ESR1: variants seen among roughly 807,000 people sequenced by gnomAD.
ESR1 encodes the protein estrogen receptor 1.
In ESR1, 12 loss-of-function variants were observed where a neutral mutation model predicts 52.7. The ratio of observed to expected loss-of-function variants is 0.23; its 90% CI spans 0.15 to 0.37. ESR1 has a LOEUF of 0.37. ESR1 is among the 10% of genes least tolerant of loss of function. ESR1 has a pLI of 1.00. For missense variants in ESR1, 584 were observed against 779.7 expected (o/e 0.75, Z 2.99); for synonymous variants, 305 against 316.8 (o/e 0.96, Z 0.39).
rs575283978 is a variant in ESR1 at position 151,855,621 on chromosome 6, G to T, written c.643+12834G>T. Among the ~76,000 whole-genome samples the T allele has an allele frequency of 1.9e-3, 285 of 152,278 alleles. 1 individual carries two copies. The highest frequency in any genetic ancestry group is 6.3e-3 in the African/African-American group (262 of 41,562). On this transcript the variant is annotated intron_variant, in intron 2 of 7. Transcript: ENST00000206249. ...GAAATGCAAAGATATATCATCCATA[G>T]ACCCTGAAATCCAGCTAAGGGTTCT...
intron 6 of ESR1, among the ~76,000 whole-genome samples, chr6:152,089,618 A>G (rs537926450): frequency 6.6e-6 from 1 of 152,138 alleles, no homozygotes; most frequent in Non-Finnish European, 1.5e-5. Context: ...TCACTCTGTC[A>G]CCCAGGCTAG....
intron 6 of ESR1, among the ~76,000 whole-genome samples, chr6:152,123,401 G>A (rs890074196): frequency 1.3e-5 from 2 of 152,156 alleles, no homozygotes; most frequent in South Asian, 4.1e-4. Context: ...ATTTTCTGAG[G>A]AGGATGGACT....
At chr6:152,071,190 A>C (rs1246447805) in intron 6 of ESR1, among the ~76,000 whole-genome samples, 2 of 152,004 alleles carry the variant, frequency 1.3e-5, no homozygotes, top group Non-Finnish European at 2.9e-5. Flanking sequence ...TCCTACCTCA[A>C]AGACCTCATG....
intron 2 of ESR1, among the ~76,000 whole-genome samples, chr6:151,776,493 T>C (rs1233515994): frequency 6.6e-6 from 1 of 152,212 alleles, no homozygotes; most frequent in East Asian, 1.9e-4. Context: ...GAATTAGCTC[T>C]GCTGAATGAG....
chr6:151,750,648 A>G (rs17081650), intron 2 of ESR1, among the ~76,000 whole-genome samples: 5,722 of 152,254 alleles, frequency 0.038, 350 homozygotes, highest in African/African-American at 0.13. Context: ...CTTGAAGTAG[A>G]AGTCTCTTCT....
chr6:151,753,025 A>T (rs1784012898), intron 2 of ESR1, among the ~76,000 whole-genome samples: 1 of 152,202 alleles, frequency 6.6e-6, no homozygotes, highest in African/African-American at 2.4e-5. Context: ...TTATTTGCTG[A>T]TCATACTCTG....
intron 4 of ESR1, among the ~76,000 whole-genome samples, chr6:152,004,922 A>G (rs1055611150): frequency 6.6e-6 from 1 of 152,034 alleles, no homozygotes; most frequent in Admixed American, 6.6e-5. Flanking sequence ...TGTTTATTGT[A>G]AAACTTCTGG....
chr6:152,040,171 C>T (rs2045667051), intron 5 of ESR1, among the ~76,000 whole-genome samples: 1 of 152,190 alleles, frequency 6.6e-6, no homozygotes, highest in Non-Finnish European at 1.5e-5. Flanking sequence ...GTCTCTGCTG[C>T]TGGCAAATTG....
intron 1 of ESR1, 36 bp from the exon 2 acceptor site, chr6:151,842,561 C>G (rs1199745371): frequency 6.3e-7 from 1 of 1,594,662 alleles, no homozygotes; most frequent in Middle Eastern, 1.8e-4. Flanking sequence ...TTTTGCTTTT[C>G]TAATGTTAAT....
intron 2 of ESR1, among the ~76,000 whole-genome samples, chr6:151,843,954 C>A (rs1443897766): frequency 6.6e-6 from 1 of 150,596 alleles, no homozygotes; most frequent in East Asian, 1.9e-4. Flanking sequence ...AATCGAGTAG[C>A]ATGTGAGGTC....
intron 2 of ESR1, among the ~76,000 whole-genome samples, chr6:151,797,637 T>G (rs1179791448): frequency 3.9e-5 from 6 of 152,232 alleles, no homozygotes; most frequent in African/African-American, 1.4e-4. Context: ...TGCTTGTGCT[T>G]GTTTATTACA....
At chr6:151,811,093 G>T (rs1182114831) in intron 1 of ESR1, 1 of 152,198 alleles carries the variant, frequency 6.6e-6, no homozygotes, top group Non-Finnish European at 1.5e-5. Context: ...ATTTAGCATT[G>T]AGATGCTGTG....
At chr6:151,824,793 C>T (rs556368061) in intron 1 of ESR1, among the ~76,000 whole-genome samples, 6 of 152,170 alleles carry the variant, frequency 3.9e-5, no homozygotes, top group East Asian at 1.9e-4. Flanking sequence ...TGGTGGCACA[C>T]GCCTGCAGTC....
At chr6:151,922,947 C>T (rs2031988349) in intron 3 of ESR1, among the ~76,000 whole-genome samples, 1 of 152,196 alleles carries the variant, frequency 6.6e-6, no homozygotes, top group Admixed American at 6.5e-5. Flanking sequence ...ACATTCTAGC[C>T]TTCTCCTCTT....
chr6:151,958,973 C>CGTGTGTGTGTGTGTGTGTGTGTGTGTGT (rs58501088), intron 4 of ESR1, among the ~76,000 whole-genome samples: 227 of 148,840 alleles, frequency 1.5e-3, no homozygotes, highest in African/African-American at 5.4e-3. Context: ...AAAAAGTTTC[C>CGTGTGTGTGTGTGTGTGTGTGTGTGTGT]GTGTGTGTGT....
At chr6:151,866,369 G>A (rs569480640) in intron 2 of ESR1, among the ~76,000 whole-genome samples, 1 of 152,016 alleles carries the variant, frequency 6.6e-6, no homozygotes. Context: ...TACGTTTGGG[G>A]ATACATGTGC....
intron 4 of ESR1, among the ~76,000 whole-genome samples, chr6:151,981,957 G>A (rs1257016228): frequency 6.6e-6 from 1 of 152,176 alleles, no homozygotes; most frequent in Non-Finnish European, 1.5e-5. Context: ...GACAAATAAG[G>A]TTCATTTTCA....
At chr6:151,926,786 C>T (rs989198215) in intron 3 of ESR1, among the ~76,000 whole-genome samples, 10 of 152,054 alleles carry the variant, frequency 6.6e-5, no homozygotes, top group African/African-American at 2.4e-4. Context: ...GATAATCATG[C>T]CATCTGTGAA....
At chr6:151,709,416 C>T (rs1297567619) in intron 2 of ESR1, among the ~76,000 whole-genome samples, 1 of 152,138 alleles carries the variant, frequency 6.6e-6, no homozygotes, top group African/African-American at 2.4e-5. Context: ...TACATCTTGG[C>T]TATTATGAAT....
Sources: allele counts gnomAD v4.1 joint callset (sites outside exome capture counted in the v4.1 genomes callset), GRCh38; gene constraint gnomAD v4.1.1; transcripts MANE v1.5; gene names NCBI Gene and HGNC (gene_info 2026-07-23, HGNC 2026-07-21).